Variants in SLC5A4 observed in about 807,000 individuals in gnomAD.
The protein encoded by SLC5A4 is probable glucose sensor protein SLC5A4.
Under a neutral mutation model 70.3 loss-of-function variants are expected in SLC5A4, and 55 were observed. The ratio of observed to expected loss-of-function variants is 0.78; its 90% confidence interval spans 0.63 to 0.98. The LOEUF (loss-of-function observed/expected upper bound fraction) is 0.98, where lower values mean the gene tolerates loss of function less well. SLC5A4 is among the 50% of genes least tolerant of loss of function. The pLI, the probability that SLC5A4 is intolerant of heterozygous loss-of-function variation, is 0.00. For synonymous variants in SLC5A4, 268 were observed against 305.7 expected (o/e 0.88, Z 1.29); for missense variants, 735 against 839.2 (o/e 0.88, Z 1.53).
chr22:32,315,487 A>G, the SLC5A4 span, among the ~76,000 whole-genome samples: 42 of 152,300 alleles, frequency 2.8e-4, no homozygotes, highest in African/African-American at 9.1e-4. Context: ...GGGAAAGTAG[A>G]AATATTCTAA....
the SLC5A4 span, chr22:32,268,233 A>G: frequency 6.6e-6 from 1 of 152,198 alleles, no homozygotes; most frequent in Non-Finnish European, 1.5e-5. Flanking sequence ...AAGATTTCCA[A>G]GGAGTGTTGT....
chr22:32,326,270 AT>A, the SLC5A4 span, among the ~76,000 whole-genome samples: 5,383 of 135,244 alleles, frequency 0.04, 178 homozygotes, highest in African/African-American at 0.095. Flanking sequence ...GCCTTCACGT[AT>A]TTTTTTTTTT....
At chr22:32,324,310 T>G in the SLC5A4 span, among the ~76,000 whole-genome samples, 1 of 146,630 alleles carries the variant, frequency 6.8e-6, no homozygotes, top group African/African-American at 2.5e-5. Context: ...TACTAGATTC[T>G]CTTGCAGAAA....
the SLC5A4 span, among the ~76,000 whole-genome samples, chr22:32,328,656 TGA>T: frequency 2.0e-5 from 3 of 152,270 alleles, no homozygotes; most frequent in African/African-American, 7.2e-5. Flanking sequence ...TGCAGCCTCC[TGA>T]GAGACCCCAA....
At position 32,254,922 on chromosome 22, in the gene SLC5A4, C is replaced by T. The variant is rs182568834; in HGVS notation, c.135+273G>A. Among the ~76,000 whole-genome samples the T allele has an allele frequency of 2.8e-3, 433 of 152,036 alleles. 2 individuals are homozygous for T. Among genetic ancestry groups the T allele is most frequent in the Non-Finnish European group, 4.9e-3 (336 of 67,976 alleles). ...ACAACAAAAGAAAGCGAAAGAAATG[C>T]GATAATAAAAATACACTCTTTGTCC... On this transcript the variant is annotated intron_variant, in intron 1 of 14. Transcript: ENST00000266086.
At chr22:32,341,704 C>T in the SLC5A4 span, among the ~76,000 whole-genome samples, 6 of 152,172 alleles carry the variant, frequency 3.9e-5, no homozygotes, top group Non-Finnish European at 7.3e-5. Context: ...CTAAATGGCC[C>T]CTTATGTTCT....
At chr22:32,219,923 G>A (rs577447394) in intron 14 of SLC5A4, among the ~76,000 whole-genome samples, 26 of 151,820 alleles carry the variant, frequency 1.7e-4, no homozygotes, top group African/African-American at 5.6e-4. Context: ...TGCACTAAAT[G>A]GGCACAATCC....
At chr22:32,251,153 A>AAAC (rs1927124355) in intron 3 of SLC5A4, among the ~76,000 whole-genome samples, 1 of 124,186 alleles carries the variant, frequency 8.1e-6, no homozygotes, top group African/African-American at 3.6e-5. Context: ...AATAAGCAAA[A>AAAC]AAAAAAAAAA....
the SLC5A4 span, among the ~76,000 whole-genome samples, chr22:32,321,840 C>G: frequency 6.6e-6 from 1 of 152,338 alleles, no homozygotes; most frequent in East Asian, 1.9e-4. Flanking sequence ...GGTGCCTATA[C>G]AGTCTTCCAT....
At chr22:32,338,597 A>C in the SLC5A4 span, among the ~76,000 whole-genome samples, 2,864 of 152,292 alleles carry the variant, frequency 0.019, 75 homozygotes, top group African/African-American at 0.064. Context: ...CCTGGGAGGC[A>C]GAGAGAGGCT....
chr22:32,269,100 C>T, the SLC5A4 span, among the ~76,000 whole-genome samples: 2 of 152,158 alleles, frequency 1.3e-5, no homozygotes, highest in African/African-American at 4.8e-5. The surrounding 1 kb of genome is among the most constrained non-coding windows in gnomAD (Gnocchi z 4.1). Flanking sequence ...GCCATGTTGG[C>T]CATGGCGGTC....
chr22:32,337,454 A>C, the SLC5A4 span, among the ~76,000 whole-genome samples: 1 of 152,150 alleles, frequency 6.6e-6, no homozygotes, highest in African/African-American at 2.4e-5. Context: ...GAATTGCTTG[A>C]ACCCCGGAGG....
chr22:32,338,920 C>T, the SLC5A4 span, among the ~76,000 whole-genome samples: 1 of 152,182 alleles, frequency 6.6e-6, no homozygotes, highest in East Asian at 1.9e-4. Flanking sequence ...GAGTATGTCT[C>T]CTCCTCCTGC....
At chr22:32,340,957 G>T in the SLC5A4 span, among the ~76,000 whole-genome samples, 1 of 152,208 alleles carries the variant, frequency 6.6e-6, no homozygotes, top group Non-Finnish European at 1.5e-5. Flanking sequence ...GGACAAGGAG[G>T]GCTGGTCTCA....
chr22:32,262,280 T>C, the SLC5A4 span, among the ~76,000 whole-genome samples: 4 of 152,208 alleles, frequency 2.6e-5, no homozygotes, highest in Non-Finnish European at 5.9e-5. Context: ...CTAATTTACA[T>C]TCCCATCAAT....
chr22:32,322,732 G>C, the SLC5A4 span, among the ~76,000 whole-genome samples: 1 of 152,210 alleles, frequency 6.6e-6, no homozygotes, highest in Non-Finnish European at 1.5e-5. Flanking sequence ...CTGGGCTTGT[G>C]CATGGCATGG....
the SLC5A4 span, among the ~76,000 whole-genome samples, chr22:32,315,430 CAA>C: frequency 6.6e-6 from 1 of 151,358 alleles, no homozygotes; most frequent in Non-Finnish European, 1.5e-5. Context: ...TCAAGGTAAA[CAA>C]AAAATAATCA....
chr22:32,272,773 A>T, the SLC5A4 span: 2 of 508,124 alleles, frequency 3.9e-6, no homozygotes, highest in Non-Finnish European at 7.6e-6. Flanking sequence ...CTCAGCAAAA[A>T]GTCAGTGGTG....
At chr22:32,349,954 C>T in the SLC5A4 span, among the ~76,000 whole-genome samples, 2 of 152,288 alleles carry the variant, frequency 1.3e-5, no homozygotes, top group Admixed American at 6.5e-5. Flanking sequence ...CTTTCTTTAG[C>T]TCTCTTTCCC....
Sources: allele counts gnomAD v4.1 joint callset (sites outside exome capture counted in the v4.1 genomes callset), GRCh38; gene constraint gnomAD v4.1.1; non-coding constraint Gnocchi (gnomAD v3.1); transcripts MANE v1.5; gene names NCBI Gene and HGNC (gene_info 2026-07-23, HGNC 2026-07-21).